Variants in CD55 observed in about 807,000 individuals in gnomAD.
CD55 encodes the protein complement decay-accelerating factor.
A neutral mutation model predicts 45.8 loss-of-function variants in CD55; 41 were observed. The observed-to-expected ratio is 0.90, with a 90% CI of 0.70 to 1.16. CD55 has a LOEUF of 1.16. CD55 is among the 50% of genes most tolerant of loss of function. CD55 has a pLI of 0.00. For missense variants in CD55, 416 were observed against 469.8 expected, an observed-to-expected ratio of 0.89 and a Z score of 1.06; for synonymous variants, 181 against 181.1, an observed-to-expected ratio of 1.00 and a Z score of 0.01.
intron 9 of CD55, 35 bp from the exon 10 acceptor site, chr1:207,359,511 T>TTTA (rs755226937): frequency 9.5e-6 from 13 of 1,371,302 alleles, no homozygotes; most frequent in Non-Finnish European, 1.3e-5. Flanking sequence ...TCATTTTGAT[T>TTTA]TTAACTTTTT....
At chr1:207,325,146 C>T (rs1654616188) in intron 3 of CD55, among the ~76,000 whole-genome samples, 1 of 151,798 alleles carries the variant, frequency 6.6e-6, no homozygotes, top group Non-Finnish European at 1.5e-5. Flanking sequence ...AGTAGCCTGG[C>T]CAACATGATG....
At position 207,339,872 on chromosome 1, in the gene CD55, C is replaced by T. The variant is rs189396256; in HGVS notation, c.1081+455C>T. Among the ~76,000 whole-genome samples the T allele has an allele frequency of 5.5e-3, 839 of 152,148 alleles. 8 individuals are homozygous for T. Among genetic ancestry groups the T allele is most frequent in the African/African-American group, 0.018 (759 of 41,502 alleles). ...TAATGTTTTATATATTTATGAGGTA[C>T]ATGTGATATTTTGTTACATGCATGG... On this transcript the variant is annotated intron_variant, in intron 9 of 9. Coordinates refer to ENST00000367064, the MANE Select transcript of CD55 (RefSeq NM_000574.5).
intron 8 of CD55, among the ~76,000 whole-genome samples, chr1:207,337,864 G>A (rs960458694): frequency 3.3e-5 from 5 of 151,960 alleles, no homozygotes; most frequent in Admixed American, 1.3e-4. Flanking sequence ...CAATAGTGTC[G>A]TCTAAGTAAT....
At chr1:207,326,568 G>A (rs1654692145) in intron 4 of CD55, among the ~76,000 whole-genome samples, 184 bp from the exon 5 acceptor site, 1 of 152,070 alleles carries the variant, frequency 6.6e-6, no homozygotes, top group Non-Finnish European at 1.5e-5. Context: ...TTTACTCTTT[G>A]GATGTCACGT....
At chr1:207,339,169 A>G (rs1030232884) in intron 8 of CD55, among the ~76,000 whole-genome samples, 1 of 152,180 alleles carries the variant, frequency 6.6e-6, no homozygotes, top group African/African-American at 2.4e-5. Flanking sequence ...CATAATTTAT[A>G]TTTACAGTGT....
chr1:207,331,830 C>T (rs903244296), intron 6 of CD55, among the ~76,000 whole-genome samples: 16 of 152,276 alleles, frequency 1.1e-4, no homozygotes, highest in African/African-American at 3.9e-4. Flanking sequence ...CCAGAAGGTA[C>T]TCTCAGAATC....
chr1:207,350,112 T>C (rs1655805305), intron 9 of CD55: 1 of 454,964 alleles, frequency 2.2e-6, no homozygotes, highest in African/African-American at 2.0e-5. Context: ...ACAATTGAGA[T>C]GATCATGTGG....
intron 9 of CD55, among the ~76,000 whole-genome samples, chr1:207,344,080 G>C (rs1334427247): frequency 1.3e-5 from 2 of 152,170 alleles, no homozygotes; most frequent in Non-Finnish European, 2.9e-5. Context: ...TTTCTTGAAA[G>C]AAACGTATAG....
At chr1:207,344,525 T>C (rs532592830) in intron 9 of CD55, among the ~76,000 whole-genome samples, 1 of 152,232 alleles carries the variant, frequency 6.6e-6, no homozygotes, top group East Asian at 1.9e-4. Context: ...TTGGTAGTCT[T>C]TTTCTTTCAG....
At chr1:207,347,346 G>A in intron 9 of CD55, 1 of 385,056 alleles carries the variant, frequency 2.6e-6, no homozygotes, top group Non-Finnish European at 5.2e-6. Context: ...TGCAAGCTCT[G>A]CCTCCCGGGT....
At chr1:207,357,702 A>T (rs1656130098) in intron 9 of CD55, among the ~76,000 whole-genome samples, 1 of 152,118 alleles carries the variant, frequency 6.6e-6, no homozygotes, top group Non-Finnish European at 1.5e-5. Context: ...CCTATTAAGG[A>T]CATAAAGTAC....
At chr1:207,327,727 A>G (rs181412053) in intron 5 of CD55, among the ~76,000 whole-genome samples, 5 of 152,246 alleles carry the variant, frequency 3.3e-5, no homozygotes, top group Admixed American at 2.0e-4. Context: ...TTTATCAAGC[A>G]TTTATCGATT....
chr1:207,335,680 T>G (rs913958450), intron 6 of CD55, among the ~76,000 whole-genome samples: 2 of 152,114 alleles, frequency 1.3e-5, no homozygotes, highest in Admixed American at 1.3e-4. Context: ...GCTAGGCGTT[T>G]TACTCAATTT....
chr1:207,350,442 T>G (rs1325259978), intron 9 of CD55, among the ~76,000 whole-genome samples: 1 of 152,134 alleles, frequency 6.6e-6, no homozygotes, highest in Non-Finnish European at 1.5e-5. Flanking sequence ...CGGCTCTTGT[T>G]TGTATGTTTG....
At chr1:207,334,033 A>C (rs1655064204) in intron 6 of CD55, among the ~76,000 whole-genome samples, 1 of 152,104 alleles carries the variant, frequency 6.6e-6, no homozygotes, top group African/African-American at 2.4e-5. Context: ...GATAAAGTAC[A>C]TTAGCCAACA....
rs768351161 is a variant in CD55, at chr1:207,337,387, TAAAG to T, written c.1039_1042del (p.Lys347GlufsTer20). 4 of 1,607,034 alleles carry T rather than the reference TAAAG, an allele frequency of 2.5e-6. No homozygotes were observed. The highest frequency in any genetic ancestry group is 1.3e-5 in the African/African-American group (1 of 74,858). On this transcript the variant is annotated frameshift_variant, in exon 8 of 10. Transcript: ENST00000367064. LOFTEE classifies it low-confidence loss of function (END_TRUNC). ...AGCATTTTCATGAAACAACCCCAAA[TAAAG>T]GAAGTGGAACCACTTCAGGTCAGTT...
chr1:207,322,131 G>A, intron 1 of CD55: 1 of 647,778 alleles, frequency 1.5e-6, no homozygotes. Flanking sequence ...GCCAAGCCTG[G>A]CAAAATCGAA....
chr1:207,340,699 G>A, intron 9 of CD55: 3 of 553,300 alleles, frequency 5.4e-6, no homozygotes, highest in Non-Finnish European at 9.7e-6. Context: ...TACATTGATG[G>A]ACACTTAAGA....
chr1:207,335,806 G>A (rs770214503), intron 6 of CD55, among the ~76,000 whole-genome samples: 2 of 152,136 alleles, frequency 1.3e-5, no homozygotes, highest in Non-Finnish European at 2.9e-5. Context: ...CCTGGATGAT[G>A]TAATCTCTTG....
Sources: gnomAD v4.1 joint callset for allele counts (sites outside exome capture counted in the v4.1 genomes callset) on GRCh38, gnomAD v4.1.1 for gene constraint, MANE v1.5 for transcripts, NCBI Gene and HGNC (gene_info 2026-07-23, HGNC 2026-07-21) for gene names.